The following MYL9 variants were observed in gnomAD, a reference collection of about 807,000 sequenced individuals.
MYL9 encodes the protein myosin light chain 9.
In MYL9, 7 loss-of-function variants were observed where a neutral mutation model predicts 12.8. The ratio of observed to expected loss-of-function variants is 0.55; its 90% CI spans 0.31 to 1.03. The LOEUF is 1.03. MYL9 is among the 50% of genes least tolerant of loss of function. MYL9 has a pLI of 0.05. For synonymous variants in MYL9, 81 were observed against 87.8 expected (o/e 0.92, Z 0.43); for missense variants, 190 against 242.7 (o/e 0.78, Z 1.44).
intron 1 of MYL9, 45 bp from the exon 2 acceptor site, chr20:36,544,814 T>C (rs1376128543): frequency 6.6e-7 from 1 of 1,511,626 alleles, no homozygotes; most frequent in Non-Finnish European, 9.0e-7. Flanking sequence ...GAAGATTCCC[T>C]GGCCCAGAGT....
In MYL9 at chr20:36,544,967, A is replaced by T; in HGVS notation, c.83A>T (p.Gln28Leu). Residue 28 changes from glutamine to leucine, a missense_variant, in exon 2 of 4, where the codon CAG (glutamine) becomes CTG (leucine). By Grantham distance (113) the Gln-to-Leu change is moderately radical. Transcript: ENST00000279022. ...ATSNVFAMFD[Q>L]SQIQEFKEAF... ...TCCAATGTCTTCGCAATGTTTGACC[A>T]GTCCCAGATCCAGGAGTTTAAGGAG... The T allele has an allele frequency of 6.2e-7, 1 of 1,614,032 alleles. No homozygotes were observed. Among genetic ancestry groups the T allele is most frequent in the South Asian group, 1.1e-5 (1 of 91,068 alleles).
At chr20:36,546,269 C>T (rs575861114) in intron 2 of MYL9, among the ~76,000 whole-genome samples, 9 of 152,358 alleles carry the variant, frequency 5.9e-5, no homozygotes, top group African/African-American at 1.7e-4. Flanking sequence ...GCCCAGTTCC[C>T]GCGTACCCCT....
intron 2 of MYL9, among the ~76,000 whole-genome samples, chr20:36,545,668 C>A (rs572499093): frequency 6.6e-6 from 1 of 151,902 alleles, no homozygotes; most frequent in African/African-American, 2.4e-5. Flanking sequence ...CTGTGGCTCA[C>A]GCCTGTAATC....
chr20:36,541,665 G>A lies in MYL9; in HGVS notation c.-27+104G>A, dbSNP rs28384381. On this transcript the variant is annotated intron_variant, in intron 1 of 3. Transcript: ENST00000279022. ...CCCGGCTGTCACGGGGGGCAAAGGC[G>A]GGCCCCACGGACTGGGACGTGGTAG... 2.4e-3 allele frequency: 370 copies of A among 152,678 alleles called. 10 individuals are homozygous for A. The East Asian group carries it at 0.063, about 26-fold the overall frequency. The allele number at this position is 152,678 out of a possible 1,614,324, so 9.5% of individuals were successfully genotyped here.
In MYL9 at chr20:36,551,306, C is replaced by T. The variant is rs1278595478; in HGVS notation, c.*2057C>T. 1.3e-5 allele frequency: 2 copies of T among 152,192 alleles called. No homozygotes were observed. Among genetic ancestry groups the T allele is most frequent in the African/African-American group, 4.8e-5 (2 of 41,430 alleles). 9.4% of individuals were successfully genotyped at this position (152,192 alleles called of 1,614,324 possible). A position where few individuals can be genotyped will look rare whatever the true frequency, so the allele number is the denominator to read the frequency against. ...CCACAGACCAGCAGTAAAGGACCCC[C>T]GGAACTTTCCAAGTCTAGCACAAAA... On this transcript the variant is annotated 3_prime_UTR_variant, in exon 4 of 4. Coordinates refer to ENST00000279022, the MANE Select transcript of MYL9 (RefSeq NM_006097.5).
Position 36,549,711 on chromosome 20 carries a change from G to A in MYL9, c.*462G>A, listed in dbSNP as rs1027112515. 7 of 168,322 alleles carry A rather than the reference G, an allele frequency of 4.2e-5. No homozygotes were observed. The highest frequency in any genetic ancestry group is 1.7e-4 in the East Asian group (1 of 5,946). The allele number at this position is 168,322 out of a possible 1,614,324, so 10.4% of individuals were successfully genotyped here. ...CCCTACACCCTGACCGGCCACTGCC[G>A]CACACCCACCCAGAGCACGCCACCC... On this transcript the variant is annotated 3_prime_UTR_variant, in exon 4 of 4. Coordinates refer to ENST00000279022, the MANE Select transcript of MYL9 (RefSeq NM_006097.5).
chr20:36,548,868 GCACCCCTTCACGTGGGATCCGA>G (rs1436928656), intron 3 of MYL9, among the ~76,000 whole-genome samples, 187 bp from the exon 4 acceptor site: 1 of 152,044 alleles, frequency 6.6e-6, no homozygotes, highest in Non-Finnish European at 1.5e-5. Flanking sequence ...CAGGACCCTG[GCACCCCTTCACGTGGGATCCGA>G]CACCCCTTCA....
At chr20:36,545,813 G>C (rs976133698) in intron 2 of MYL9, among the ~76,000 whole-genome samples, 21 of 151,994 alleles carry the variant, frequency 1.4e-4, no homozygotes, top group African/African-American at 5.1e-4. Flanking sequence ...CCAGCTACTC[G>C]GGAGGCTGAG....
chr20:36,543,227 G>A (rs1034761297), intron 1 of MYL9, among the ~76,000 whole-genome samples: 1 of 152,220 alleles, frequency 6.6e-6, no homozygotes, highest in South Asian at 2.1e-4. Context: ...GTGTCGGTCC[G>A]TGGGACACGG....
chr20:36,542,346 C>A (rs1488747466), intron 1 of MYL9, among the ~76,000 whole-genome samples: 5 of 152,170 alleles, frequency 3.3e-5, no homozygotes, highest in Non-Finnish European at 7.4e-5. Flanking sequence ...GGGGGCACTG[C>A]CCTGTGCTGG....
chr20:36,546,559 C>G (rs2038102585), intron 2 of MYL9, among the ~76,000 whole-genome samples: 1 of 152,168 alleles, frequency 6.6e-6, no homozygotes, highest in Non-Finnish European at 1.5e-5. Flanking sequence ...TCTGGCCAGG[C>G]TCGCTTGAAG....
intron 2 of MYL9, 116 bp downstream of exon 2, chr20:36,545,184 C>T: frequency 8.3e-7 from 1 of 1,212,000 alleles, no homozygotes; most frequent in Non-Finnish European, 1.2e-6. Flanking sequence ...AGAATAGTTG[C>T]CATTAACTTA....
intron 1 of MYL9, among the ~76,000 whole-genome samples, chr20:36,542,764 G>A (rs1347217949): frequency 6.6e-6 from 1 of 152,224 alleles, no homozygotes; most frequent in Non-Finnish European, 1.5e-5. Context: ...CTGCACCATG[G>A]GGGCACCCCT....
At chr20:36,548,941 A>G in intron 3 of MYL9, 136 bp from the exon 4 acceptor site, 1 of 918,138 alleles carries the variant, frequency 1.1e-6, no homozygotes, top group Non-Finnish European at 1.6e-6. Context: ...CTCATTCCTC[A>G]GACTGACCAG....
chr20:36,543,672 G>C (rs1392376516), intron 1 of MYL9, among the ~76,000 whole-genome samples: 1 of 152,226 alleles, frequency 6.6e-6, no homozygotes, highest in Non-Finnish European at 1.5e-5. Flanking sequence ...CATCAAACAA[G>C]CATCTGTTAG....
chr20:36,545,799 G>C (rs1442864139), intron 2 of MYL9, among the ~76,000 whole-genome samples: 1 of 151,192 alleles, frequency 6.6e-6, no homozygotes, highest in Non-Finnish European at 1.5e-5. Context: ...CGTGGTGGCG[G>C]GCGCCAGCTA....
Position 36,545,075 on chromosome 20 carries a change from T to TGGGACA in MYL9, c.184+17_184+22dup, listed in dbSNP as rs1954779927. On this transcript the variant is annotated splice_region_variant and intron_variant, in intron 2 of 3. Coordinates refer to ENST00000279022, the MANE Select transcript of MYL9 (RefSeq NM_006097.5). ...GACATGCTGGCCTCGCTGGGTGAGC[T>TGGGACA]GGGACAGGGACAGGGGTGAGATGGA... The TGGGACA allele has an allele frequency of 6.2e-7, 1 of 1,613,380 alleles. No homozygotes were observed. Among genetic ancestry groups the TGGGACA allele is most frequent in the Non-Finnish European group, 8.5e-7 (1 of 1,179,500 alleles).
intron 1 of MYL9, among the ~76,000 whole-genome samples, chr20:36,541,939 C>G (rs1216965390): frequency 6.6e-6 from 1 of 152,066 alleles, no homozygotes; most frequent in African/African-American, 2.4e-5. Flanking sequence ...TTGCAGTCGT[C>G]AGTTCCCCCT....
intron 3 of MYL9, 69 bp downstream of exon 3, chr20:36,548,262 C>T (rs918778252): frequency 6.6e-7 from 1 of 1,520,502 alleles, no homozygotes; most frequent in African/African-American, 1.4e-5. Context: ...GTGCCTCTGC[C>T]CCTAAGGGCC....
Sources: allele counts gnomAD v4.1 joint callset (sites outside exome capture counted in the v4.1 genomes callset), GRCh38; gene constraint gnomAD v4.1.1; transcripts MANE v1.5; gene names NCBI Gene and HGNC (gene_info 2026-07-23, HGNC 2026-07-21).